Variants in MTCL2 observed in about 807,000 individuals in gnomAD.
The protein encoded by MTCL2 is microtubule cross-linking factor 2.
At chr20:36,860,691 C>T in the MTCL2 span, among the ~76,000 whole-genome samples, 2 of 152,176 alleles carry the variant, frequency 1.3e-5, no homozygotes, top group Admixed American at 1.3e-4. Flanking sequence ...CTCATTTAAC[C>T]GTTGAGGTTG....
At chr20:36,798,578 C>T in the MTCL2 span, among the ~76,000 whole-genome samples, 5 of 152,174 alleles carry the variant, frequency 3.3e-5, no homozygotes, top group African/African-American at 1.2e-4. Context: ...CAATTAGAAC[C>T]GAATCACTGC....
the MTCL2 span, among the ~76,000 whole-genome samples, chr20:36,848,896 A>T: frequency 6.6e-6 from 1 of 152,176 alleles, no homozygotes; most frequent in Admixed American, 6.6e-5. Context: ...TTCATATCAT[A>T]TAACAGTTGC....
At chr20:36,827,357 C>CTTT in the MTCL2 span, among the ~76,000 whole-genome samples, 6 of 116,326 alleles carry the variant, frequency 5.2e-5, no homozygotes, top group Admixed American at 9.8e-5. Context: ...CTGGACCCCC[C>CTTT]TTTTTTTTTT....
chr20:36,830,164 C>A, the MTCL2 span, among the ~76,000 whole-genome samples: 1 of 152,046 alleles, frequency 6.6e-6, no homozygotes, highest in Non-Finnish European at 1.5e-5. Flanking sequence ...CAAAGCCTCT[C>A]CCAGCCACCA....
chr20:36,786,736 G>T, the MTCL2 span: 1 of 1,185,774 alleles, frequency 8.4e-7, no homozygotes, highest in Non-Finnish European at 1.2e-6. Context: ...CTGAGACTCG[G>T]CCATAAACCA....
chr20:36,848,385 C>A, the MTCL2 span, among the ~76,000 whole-genome samples: 1 of 152,226 alleles, frequency 6.6e-6, no homozygotes, highest in African/African-American at 2.4e-5. Context: ...CCCAAGAATC[C>A]TGGGAGAATT....
At chr20:36,788,499 G>A in the MTCL2 span, among the ~76,000 whole-genome samples, 5 of 151,902 alleles carry the variant, frequency 3.3e-5, no homozygotes, top group Admixed American at 6.6e-5. Flanking sequence ...TTAGCCGGGC[G>A]CGGTGGCAGG....
chr20:36,857,242 G>A, the MTCL2 span, among the ~76,000 whole-genome samples: 3 of 152,128 alleles, frequency 2.0e-5, no homozygotes, highest in African/African-American at 4.8e-5. Context: ...GGACATATCC[G>A]GGTGTGTCTA....
the MTCL2 span, among the ~76,000 whole-genome samples, chr20:36,811,947 G>A: frequency 3.9e-5 from 6 of 152,214 alleles, no homozygotes; most frequent in Admixed American, 6.5e-5. Flanking sequence ...ATTATGAAGA[G>A]CAAGGAGAAG....
At chr20:36,806,416 G>A in the MTCL2 span, among the ~76,000 whole-genome samples, 8 of 152,148 alleles carry the variant, frequency 5.3e-5, no homozygotes, top group South Asian at 2.1e-4. Flanking sequence ...GATTACAGGC[G>A]CGAGCCACCA....
chr20:36,784,679 A>G, the MTCL2 span: 9 of 985,484 alleles, frequency 9.1e-6, no homozygotes, highest in Non-Finnish European at 1.1e-5. Context: ...CACATGCTGC[A>G]ATGAGCCACA....
chr20:36,841,779 AC>A, the MTCL2 span, among the ~76,000 whole-genome samples: 8 of 151,236 alleles, frequency 5.3e-5, no homozygotes, highest in Non-Finnish European at 1.2e-4. Flanking sequence ...GCTCGCTGCA[AC>A]CTCTGCCTCC....
the MTCL2 span, chr20:36,802,823 G>A: frequency 2.5e-5 from 40 of 1,569,552 alleles, no homozygotes; most frequent in African/African-American, 6.7e-5. Context: ...TCTCCCTTGC[G>A]GGTGGAAGCG....
the MTCL2 span, chr20:36,863,166 A>C: frequency 7.4e-7 from 1 of 1,353,596 alleles, no homozygotes; most frequent in South Asian, 1.6e-5. The surrounding 1 kb of genome is among the most constrained non-coding windows in gnomAD (Gnocchi z 6.2). Flanking sequence ...GCTGCAGGCG[A>C]CTGCTGAGCC....
At chr20:36,778,166 T>A in the MTCL2 span, 1 of 217,628 alleles carries the variant, frequency 4.6e-6, no homozygotes, top group East Asian at 1.0e-4. Flanking sequence ...CTTCTCTTCC[T>A]CTTCCAAGAG....
At chr20:36,810,733 T>TCC in the MTCL2 span, among the ~76,000 whole-genome samples, 3 of 148,080 alleles carry the variant, frequency 2.0e-5, no homozygotes, top group Admixed American at 2.1e-4. Flanking sequence ...TCTCTCTCTC[T>TCC]CTCTCTCTCT....
At chr20:36,796,843 C>T in the MTCL2 span, 8 of 1,603,970 alleles carry the variant, frequency 5.0e-6, no homozygotes, top group South Asian at 1.1e-5. Flanking sequence ...GCTGTGGGGC[C>T]GGTCAGAGAG....
the MTCL2 span, chr20:36,815,688 C>T: frequency 1.2e-6 from 2 of 1,604,922 alleles, no homozygotes; most frequent in Non-Finnish European, 8.5e-7. This position sits in a 1 kb window ranked among gnomAD's most constrained non-coding sequence, Gnocchi z 5.3. Context: ...CTTGACCTTG[C>T]CGCTGAGCTC....
At chr20:36,863,058 C>T in the MTCL2 span, 1 of 1,408,892 alleles carries the variant, frequency 7.1e-7, no homozygotes, top group Non-Finnish European at 9.3e-7. This position sits in a 1 kb window ranked among gnomAD's most constrained non-coding sequence, Gnocchi z 6.2. Flanking sequence ...GCCCTTGGCA[C>T]GGACCCCGGT....
Sources: allele counts gnomAD v4.1 joint callset (sites outside exome capture counted in the v4.1 genomes callset), GRCh38; gene constraint gnomAD v4.1.1; non-coding constraint Gnocchi (gnomAD v3.1); transcripts MANE v1.5; gene names NCBI Gene and HGNC (gene_info 2026-07-23, HGNC 2026-07-21).